SMC1B: variants seen among roughly 807,000 people sequenced by gnomAD.
SMC1B encodes structural maintenance of chromosomes protein 1B.
Under a neutral mutation model 157.9 loss-of-function variants are expected in SMC1B, and 60 were observed. The ratio of observed to expected loss-of-function variants is 0.38; its 90% CI spans 0.31 to 0.47. The LOEUF is 0.47. SMC1B is among the 20% of genes least tolerant of loss of function. The pLI is 0.99. For synonymous variants in SMC1B, 445 were observed against 483.0 expected (o/e 0.92, Z 1.03); for missense variants, 1,165 against 1,426.2 (o/e 0.82, Z 2.95).
intron 23 of SMC1B, among the ~76,000 whole-genome samples, chr22:45,347,167 T>C (rs928022006): frequency 1.1e-4 from 17 of 152,192 alleles, no homozygotes; most frequent in African/African-American, 4.1e-4. Context: ...CTGGCTGGCA[T>C]TCAGGAGACA....
chr22:45,365,583 T>G (rs2086767941), intron 15 of SMC1B, among the ~76,000 whole-genome samples: 1 of 152,106 alleles, frequency 6.6e-6, no homozygotes, highest in African/African-American at 2.4e-5. Flanking sequence ...CACACACCTG[T>G]GGTCCCAGCT....
intron 17 of SMC1B, among the ~76,000 whole-genome samples, chr22:45,361,299 T>C (rs950495447): frequency 6.6e-6 from 1 of 152,170 alleles, no homozygotes; most frequent in Non-Finnish European, 1.5e-5. Flanking sequence ...CAGGTTCATG[T>C]TTTCATCCAA....
chr22:45,378,283 A>G (rs552633783), intron 12 of SMC1B, among the ~76,000 whole-genome samples: 1 of 152,302 alleles, frequency 6.6e-6, no homozygotes, highest in African/African-American at 2.4e-5. Context: ...ATTTCTATAG[A>G]GACAAATATT....
At chr22:45,375,111 T>A (rs1256770232) in intron 12 of SMC1B, among the ~76,000 whole-genome samples, 2 of 152,352 alleles carry the variant, frequency 1.3e-5, no homozygotes, top group African/African-American at 4.8e-5. Flanking sequence ...CCTCCTATTC[T>A]ATTCAGAGTC....
intron 14 of SMC1B, 22 bp downstream of exon 14, chr22:45,371,449 G>C (rs760223579): frequency 7.7e-6 from 12 of 1,565,356 alleles, no homozygotes; most frequent in Non-Finnish European, 9.5e-6. Flanking sequence ...TACCATTTAG[G>C]AATAAATATA....
In SMC1B at chr22:45,372,184, T is replaced by C; in HGVS notation, c.2167A>G (p.Lys723Glu). The C allele has an allele frequency of 6.2e-7, 1 of 1,609,982 alleles. No homozygotes were observed. Among genetic ancestry groups the C allele is most frequent in the Non-Finnish European group, 8.5e-7 (1 of 1,178,610 alleles). ...KYSQNELEMI[K>E]KKHLVAFYQE... Reference sequence around the variant, plus strand: ...TAAAAAGCAACAAGGTGCTTCTTCTTAATCATCTCTAGTTCATTTTGTGAA... The same window carrying C: ...TAAAAAGCAACAAGGTGCTTCTTCTCAATCATCTCTAGTTCATTTTGTGAA... The change falls in exon 13 of 25, where the codon AAG (lysine) becomes GAG (glutamate). Residue 723 changes from lysine to glutamate, a missense_variant. Lys to Glu is a moderately conservative substitution (Grantham distance 56, BLOSUM62 1). Transcript: ENST00000357450.
chr22:45,390,049 TAA>T (rs2087039946), intron 9 of SMC1B, 152 bp from the exon 10 acceptor site: 2 of 642,420 alleles, frequency 3.1e-6, no homozygotes, highest in Non-Finnish European at 5.2e-6. Context: ...CAAATAGACC[TAA>T]GTTTCATTAT....
In SMC1B at chr22:45,406,471, C is replaced by G; in HGVS notation, c.604G>C (p.Glu202Gln). The change falls in exon 4 of 25, where the codon GAG becomes CAG. Residue 202 changes from glutamate to glutamine, a missense_variant. Coordinates refer to ENST00000357450, the MANE Select transcript of SMC1B (RefSeq NM_148674.5). ...IAAERRQAKL[E>Q]KEEAERYQSL... Reference sequence around the variant, plus strand: ...TCATGACATCTTACCTCTTCCTTCTCTAATTTTGCTTGTCTGCGCTCTGCC... The same window carrying G: ...TCATGACATCTTACCTCTTCCTTCTGTAATTTTGCTTGTCTGCGCTCTGCC... 3 of 1,607,968 alleles carry G rather than the reference C, an allele frequency of 1.9e-6. No individual in the cohort carries two copies. The East Asian group carries it at 6.7e-5, about 36-fold the overall frequency.
intron 15 of SMC1B, among the ~76,000 whole-genome samples, chr22:45,366,799 G>C (rs907215095): frequency 6.6e-6 from 1 of 152,234 alleles, no homozygotes; most frequent in Non-Finnish European, 1.5e-5. Context: ...ATTTGCTCTT[G>C]AGATAATTTT....
chr22:45,405,966 A>G (rs2087254811), intron 4 of SMC1B, among the ~76,000 whole-genome samples: 1 of 152,176 alleles, frequency 6.6e-6, no homozygotes, highest in African/African-American at 2.4e-5. Context: ...CTCTCTTCTA[A>G]TTGGTTGTGG....
rs149775680 is a variant in SMC1B, at chr22:45,352,549, A to G, written c.3327T>C (p.Tyr1109=). 202 of 1,614,044 alleles carry G rather than the reference A, an allele frequency of 1.3e-4. No homozygotes were observed. The African/African-American group carries it at 2.4e-3, about 19-fold the overall frequency. Residue 1109 remains tyrosine, a synonymous_variant, in exon 22 of 25, where the codon TAT becomes TAC. Coordinates refer to ENST00000357450, the MANE Select transcript of SMC1B (RefSeq NM_148674.5). ...PEEPYLEGIS[Y]NCVAPGKRFM... ...ACCGTTTGCCTGGGGCCACACAGTTATAGCTAATTCCCTCCAAGTAAGGTT... is the reference window on the plus strand; with the variant it reads ...ACCGTTTGCCTGGGGCCACACAGTTGTAGCTAATTCCCTCCAAGTAAGGTT...
chr22:45,400,680 A>G (rs2087182047), intron 5 of SMC1B, among the ~76,000 whole-genome samples: 1 of 152,184 alleles, frequency 6.6e-6, no homozygotes, highest in African/African-American at 2.4e-5. Flanking sequence ...GAAAAGGGAG[A>G]AAAAATAACC....
Position 45,358,716 on chromosome 22 carries a change from G to C in SMC1B, c.2942C>G (p.Ser981Cys). The change falls in exon 19 of 25, where the codon TCT becomes TGT. Residue 981 changes from serine to cysteine, a missense_variant. Transcript: ENST00000357450. ...KEEAFEIDYS[S>C]LKEDLKALQS... The stretch of plus-strand genomic sequence containing the variant: ...CATTACCTTCAAATCCTCTTTTAGA[G>C]AGCTGTAGTCTATTTCAAAGGCTTC... The C allele has an allele frequency of 6.2e-7, 1 of 1,608,862 alleles. No individual in the cohort carries two copies. The highest frequency in any genetic ancestry group is 8.5e-7 in the Non-Finnish European group (1 of 1,176,276).
intron 12 of SMC1B, among the ~76,000 whole-genome samples, chr22:45,375,681 C>T (rs968383389): frequency 6.6e-6 from 1 of 152,158 alleles, no homozygotes; most frequent in African/African-American, 2.4e-5. Context: ...TGAATTTTAT[C>T]AAATGCCTTT....
At position 45,403,931 on chromosome 22, in the gene SMC1B, TTTTG is replaced by T. The variant is rs560579074; in HGVS notation, c.616-1364_616-1361del. On this transcript the variant is annotated intron_variant, in intron 4 of 24. Transcript: ENST00000357450. ...CTACAAAGTTTCATCAGAGGGTGTTTTTTGTTTGTTTGTTTGTTTGTTTGTTTTG... is the reference window on the plus strand; with the variant it reads ...CTACAAAGTTTCATCAGAGGGTGTTTTTTGTTTGTTTGTTTGTTTGTTTTG... Among the ~76,000 whole-genome samples, 887 of 151,912 alleles carry T rather than the reference TTTTG, an allele frequency of 5.8e-3. 6 individuals carry two copies. The highest frequency in any genetic ancestry group is 0.019 in the African/African-American group (805 of 41,376).
At chr22:45,403,476 CAG>C (rs1490348655) in intron 4 of SMC1B, among the ~76,000 whole-genome samples, 2 of 141,252 alleles carry the variant, frequency 1.4e-5, no homozygotes, top group Admixed American at 7.1e-5. Context: ...TTGTTTGAAA[CAG>C]AGTTTTGCTC....
At chr22:45,393,963 G>A in intron 8 of SMC1B, 122 bp from the exon 9 acceptor site, 4 of 650,602 alleles carry the variant, frequency 6.1e-6, no homozygotes, top group Non-Finnish European at 7.7e-6. Context: ...ATTTTTAAAG[G>A]GTAAAAAATG....
At position 45,345,481 on chromosome 22, in the gene SMC1B, G is replaced by A. The variant is rs369991859; in HGVS notation, c.3584C>T (p.Ala1195Val). 51 of 1,612,778 alleles carry A rather than the reference G, an allele frequency of 3.2e-5. No individual in the cohort carries two copies. The highest frequency in any genetic ancestry group is 1.6e-4 in the Middle Eastern group (1 of 6,080). ...LKEEFYSRADALIGIYPEYDD... is the reference protein window; with the variant it reads ...LKEEFYSRADVLIGIYPEYDD... ...TACCTCAGGATAGATGCCGATCAGC[G>A]CGTCGGCTCTGGAATAGAACTCTTC... Residue 1195 changes from alanine (A) to valine (V), a missense_variant, in exon 24 of 25, where the codon GCG (alanine) becomes GTG (valine). Transcript: ENST00000357450.
intron 23 of SMC1B, among the ~76,000 whole-genome samples, chr22:45,348,314 G>A (rs2086572524): frequency 6.6e-6 from 1 of 152,230 alleles, no homozygotes; most frequent in South Asian, 2.1e-4. Flanking sequence ...CACTTTGGGA[G>A]GTTGAAGCGG....
Sources: gnomAD v4.1 joint callset for allele counts (sites outside exome capture counted in the v4.1 genomes callset) on GRCh38, gnomAD v4.1.1 for gene constraint, MANE v1.5 for transcripts, NCBI Gene and HGNC (gene_info 2026-07-23, HGNC 2026-07-21) for gene names.